Variants in CNTN3 observed in about 807,000 individuals in gnomAD.
The protein encoded by CNTN3 is contactin-3.
A neutral mutation model predicts 119.1 loss-of-function variants in CNTN3; 60 were observed. The observed-to-expected ratio is 0.50, with a 90% CI of 0.41 to 0.62. The LOEUF (loss-of-function observed/expected upper bound fraction) is 0.62, where lower values mean the gene tolerates loss of function less well. CNTN3 is among the 20% of genes least tolerant of loss of function. The pLI, the probability that CNTN3 is intolerant of heterozygous loss-of-function variation, is 0.00. For missense variants in CNTN3, 1,101 were observed against 1,242.4 expected (o/e 0.89, Z 1.71); for synonymous variants, 450 against 438.7 (o/e 1.03, Z -0.32).
chr3:74,359,334 T>C (rs889167959), intron 11 of CNTN3, among the ~76,000 whole-genome samples: 1 of 152,196 alleles, frequency 6.6e-6, no homozygotes, highest in African/African-American at 2.4e-5. Context: ...AATATCAGGC[T>C]AAATCCTGAT....
chr3:74,432,386 T>TAAAAAAAAAAA (rs772802742), intron 4 of CNTN3, among the ~76,000 whole-genome samples: 1 of 129,196 alleles, frequency 7.7e-6, no homozygotes. Context: ...GCCAATGAGC[T>TAAAAAAAAAAA]AAAAAAAAAA....
intron 5 of CNTN3, among the ~76,000 whole-genome samples, chr3:74,387,713 T>C (rs1704786062): frequency 6.6e-6 from 1 of 152,230 alleles, no homozygotes; most frequent in East Asian, 1.9e-4. Context: ...TGGAAATATC[T>C]CATCACCTCC....
intron 20 of CNTN3, among the ~76,000 whole-genome samples, chr3:74,275,752 C>T (rs1024302386): frequency 6.6e-6 from 1 of 151,864 alleles, no homozygotes; most frequent in African/African-American, 2.4e-5. Context: ...GGTACACAGG[C>T]AACAAATAGC....
intron 1 of CNTN3, among the ~76,000 whole-genome samples, chr3:74,544,441 A>G (rs931121269): frequency 1.3e-5 from 2 of 152,202 alleles, no homozygotes; most frequent in African/African-American, 4.8e-5. Context: ...AATGATGTAC[A>G]GATATCTTCA....
intron 2 of CNTN3, among the ~76,000 whole-genome samples, chr3:74,520,691 T>C (rs563033214): frequency 6.6e-6 from 1 of 151,676 alleles, no homozygotes; most frequent in African/African-American, 2.4e-5. Context: ...ACCAGCACTT[T>C]TTAAATTTAT....
At chr3:74,391,484 A>T (rs1704899189) in intron 5 of CNTN3, among the ~76,000 whole-genome samples, 2 of 152,022 alleles carry the variant, frequency 1.3e-5, no homozygotes, top group Middle Eastern at 3.4e-3. Context: ...TATGTAAAGT[A>T]CATCTCTGTG....
chr3:74,535,697 T>G (rs1050648274), intron 1 of CNTN3, among the ~76,000 whole-genome samples: 10 of 152,100 alleles, frequency 6.6e-5, no homozygotes, highest in South Asian at 2.1e-4. Context: ...TGTGAACTCT[T>G]TATTTCAGAA....
chr3:74,301,616 G>T, intron 15 of CNTN3, 31 bp downstream of exon 15: 1 of 1,613,132 alleles, frequency 6.2e-7, no homozygotes. Flanking sequence ...ATTTATATGT[G>T]TGCAGATGAC....
chr3:74,285,514 C>T lies in CNTN3; in HGVS notation c.2518-23G>A, dbSNP rs200993786. The T allele has an allele frequency of 5.1e-6, 8 of 1,574,054 alleles. No individual in the cohort carries two copies. In the East Asian group the frequency reaches 1.4e-4, roughly 27 times the overall value. On this transcript the variant is annotated intron_variant, in intron 19 of 22. Transcript: ENST00000263665. ...CACCTGGTGGGCGGAAGACACCAAACATGTGAAGGCTTAAAAAATTCTGCC... is the reference window on the plus strand; with the variant it reads ...CACCTGGTGGGCGGAAGACACCAAATATGTGAAGGCTTAAAAAATTCTGCC...
chr3:74,504,672 G>A (rs959129904), intron 2 of CNTN3, among the ~76,000 whole-genome samples: 5 of 152,156 alleles, frequency 3.3e-5, no homozygotes, highest in Non-Finnish European at 7.4e-5. Context: ...TGTGGCAGAT[G>A]CTGCTGGTAG....
At chr3:74,602,071 G>A (rs922687345) in intron 1 of CNTN3, among the ~76,000 whole-genome samples, 1 of 151,944 alleles carries the variant, frequency 6.6e-6, no homozygotes, top group South Asian at 2.1e-4. Context: ...TACTTTGGGA[G>A]GCTTGAGACA....
At chr3:74,421,796 G>A (rs750014494) in intron 5 of CNTN3, among the ~76,000 whole-genome samples, 9 of 152,050 alleles carry the variant, frequency 5.9e-5, no homozygotes, top group East Asian at 1.9e-4. Flanking sequence ...GATATACCCC[G>A]GAGTTACAGC....
intron 11 of CNTN3, among the ~76,000 whole-genome samples, chr3:74,353,657 G>A (rs1468917447): frequency 6.6e-6 from 1 of 152,046 alleles, no homozygotes; most frequent in Non-Finnish European, 1.5e-5. Context: ...TCGGGAGGCC[G>A]AGGCAGGAGA....
At chr3:74,612,418 G>C (rs1705098772) in intron 1 of CNTN3, among the ~76,000 whole-genome samples, 2 of 152,142 alleles carry the variant, frequency 1.3e-5, no homozygotes, top group Admixed American at 1.3e-4. Flanking sequence ...TGGGCTATCT[G>C]GTTGTGTTGT....
chr3:74,598,014 T>C (rs1704842211), intron 1 of CNTN3, among the ~76,000 whole-genome samples: 2 of 151,702 alleles, frequency 1.3e-5, no homozygotes, highest in African/African-American at 4.8e-5. Context: ...TTCCTTAGAG[T>C]GGAAGATTAT....
At chr3:74,294,008 C>T (rs986878845) in intron 19 of CNTN3, among the ~76,000 whole-genome samples, 11 of 152,162 alleles carry the variant, frequency 7.2e-5, no homozygotes, top group Admixed American at 5.2e-4. Flanking sequence ...CTAGGCTTCA[C>T]AGTCCACAGA....
intron 1 of CNTN3, among the ~76,000 whole-genome samples, chr3:74,590,233 A>G (rs1161462722): frequency 6.6e-6 from 1 of 152,044 alleles, no homozygotes; most frequent in African/African-American, 2.4e-5. Context: ...AAGGGAGTGG[A>G]GGATAGAGGC....
chr3:74,544,868 G>A (rs1305498153), intron 1 of CNTN3, among the ~76,000 whole-genome samples: 1 of 152,134 alleles, frequency 6.6e-6, no homozygotes, highest in African/African-American at 2.4e-5. Context: ...AAAGTGCTGG[G>A]ATTACAGGCA....
At chr3:74,393,171 C>T (rs562201493) in intron 5 of CNTN3, among the ~76,000 whole-genome samples, 4 of 152,264 alleles carry the variant, frequency 2.6e-5, no homozygotes, top group East Asian at 1.9e-4. Context: ...AGTCCAAATT[C>T]GACTGAAAGA....
Sources: allele counts gnomAD v4.1 joint callset (sites outside exome capture counted in the v4.1 genomes callset), GRCh38; gene constraint gnomAD v4.1.1; transcripts MANE v1.5; gene names NCBI Gene and HGNC (gene_info 2026-07-23, HGNC 2026-07-21).